The following GABRG3 variants were observed in gnomAD, a reference collection of about 807,000 sequenced individuals.
GABRG3 encodes gamma-aminobutyric acid type A receptor subunit gamma3.
GABRG3 carries 25 observed loss-of-function variants against 48.8 expected under a neutral mutation model. The observed-to-expected ratio is 0.51, with a 90% CI of 0.37 to 0.72. The LOEUF is 0.72. Ranked by LOEUF, GABRG3 falls within the 30% of genes least tolerant of loss-of-function variation. The probability of loss-of-function intolerance (pLI) is 0.00; values close to 1 mark genes in which losing one functional copy is unlikely to be tolerated. For missense variants in GABRG3, 394 were observed against 577.9 expected (o/e 0.68, Z 3.26); for synonymous variants, 227 against 217.6 (o/e 1.04, Z -0.38).
chr15:27,440,213 A>G (rs1208856330), intron 5 of GABRG3, among the ~76,000 whole-genome samples: 1 of 152,198 alleles, frequency 6.6e-6, no homozygotes, highest in African/African-American at 2.4e-5. Context: ...AACTCATAGA[A>G]TAACCATGAA....
intron 3 of GABRG3, among the ~76,000 whole-genome samples, chr15:27,096,863 A>C (rs1443641607): frequency 1.5e-5 from 2 of 137,460 alleles, no homozygotes; most frequent in African/African-American, 2.7e-5. Context: ...TTTTGGGAGA[A>C]TGTGTCTCAC....
intron 3 of GABRG3, among the ~76,000 whole-genome samples, chr15:27,160,451 T>A (rs1342472758): frequency 6.6e-6 from 1 of 152,240 alleles, no homozygotes; most frequent in Non-Finnish European, 1.5e-5. Context: ...CATTTGATTA[T>A]TGAGATTGTT....
In GABRG3 at chr15:27,042,322, G is replaced by A. The variant is rs145363954; in HGVS notation, c.270+15501G>A. Among the ~76,000 whole-genome samples the A allele has an allele frequency of 5.9e-5, 9 of 152,338 alleles. No homozygotes were observed. The South Asian group carries it at 1.2e-3, about 21-fold the overall frequency. ...TGGAGCTTCAGGGATGCGAGTGGGC[G>A]GAGGGAGCTGGGGCCTCCCCTGCCA... is the stretch of plus-strand genomic sequence containing the variant. On this transcript the variant is annotated intron_variant, in intron 3 of 9. Transcript: ENST00000615808.
intron 2 of GABRG3, among the ~76,000 whole-genome samples, chr15:26,996,984 C>G (rs1895354128): frequency 6.6e-6 from 1 of 152,140 alleles, no homozygotes; most frequent in Non-Finnish European, 1.5e-5. Context: ...CCACACATCT[C>G]TCTGAATCTC....
At chr15:27,189,231 G>C (rs1213966672) in intron 3 of GABRG3, among the ~76,000 whole-genome samples, 1 of 151,586 alleles carries the variant, frequency 6.6e-6, no homozygotes, top group African/African-American at 2.4e-5. Context: ...GGTTCCATAT[G>C]AACTTTAAAG....
chr15:27,144,713 A>C (rs1898166786), intron 3 of GABRG3, among the ~76,000 whole-genome samples: 1 of 152,188 alleles, frequency 6.6e-6, no homozygotes, highest in African/African-American at 2.4e-5. Context: ...ATACCCAGAA[A>C]ATACCTAAGA....
At chr15:27,530,707 G>A (rs112947792) in intron 9 of GABRG3, 65 of 470,818 alleles carry the variant, frequency 1.4e-4, no homozygotes, top group Middle Eastern at 3.2e-4. Context: ...CTGCCTCCCC[G>A]TCTAAGTCAG....
At chr15:27,400,379 T>C (rs1032795537) in intron 5 of GABRG3, among the ~76,000 whole-genome samples, 3 of 152,238 alleles carry the variant, frequency 2.0e-5, no homozygotes, top group Non-Finnish European at 4.4e-5. Flanking sequence ...TTTGCAGTCA[T>C]GTACGAAAGT....
chr15:27,403,903 T>A (rs1595732044), intron 5 of GABRG3, among the ~76,000 whole-genome samples: 3 of 65,662 alleles, frequency 4.6e-5, no homozygotes, highest in Admixed American at 2.4e-4. Context: ...AAAGCCAGAC[T>A]CAAAAAAAAA....
intron 3 of GABRG3, among the ~76,000 whole-genome samples, chr15:27,134,592 G>T (rs576890325): frequency 2.0e-5 from 3 of 152,170 alleles, no homozygotes; most frequent in African/African-American, 7.2e-5. Flanking sequence ...TCCCACCCAT[G>T]CCCGGCTTCT....
chr15:27,427,409 G>C (rs74596734), intron 5 of GABRG3, among the ~76,000 whole-genome samples: 8,318 of 152,248 alleles, frequency 0.055, 292 homozygotes, highest in Middle Eastern at 0.11. Flanking sequence ...GTTCCGCCTT[G>C]TGCATTTGGA....
intron 3 of GABRG3, among the ~76,000 whole-genome samples, chr15:27,038,797 T>C (rs1896223765): frequency 6.6e-6 from 1 of 151,742 alleles, no homozygotes; most frequent in African/African-American, 2.4e-5. Context: ...GATGTCAGAG[T>C]GACAGCAGAA....
At chr15:27,063,508 G>C (rs878973) in intron 3 of GABRG3, among the ~76,000 whole-genome samples, 21,503 of 152,102 alleles carry the variant, frequency 0.14, 2,197 homozygotes, top group East Asian at 0.28. Flanking sequence ...GATTGTGTGG[G>C]CCCCTGTTTC....
intron 3 of GABRG3, chr15:27,271,631 G>A (rs1891094161): frequency 2.2e-6 from 1 of 455,930 alleles, no homozygotes; most frequent in Non-Finnish European, 4.4e-6. Context: ...AGGAAAATAA[G>A]CTGTCTGTAA....
chr15:27,158,123 A>T (rs892918588), intron 3 of GABRG3: 1 of 152,202 alleles, frequency 6.6e-6, no homozygotes, highest in Non-Finnish European at 1.5e-5. Flanking sequence ...GGTGGGAGGA[A>T]CTTCAGGGAT....
intron 3 of GABRG3, among the ~76,000 whole-genome samples, chr15:27,217,958 A>G (rs1476048472): frequency 6.6e-6 from 1 of 152,096 alleles, no homozygotes. Flanking sequence ...GAGGCGGAGG[A>G]GAACCAGGGC....
intron 6 of GABRG3, among the ~76,000 whole-genome samples, chr15:27,484,014 G>A (rs1344778219): frequency 2.0e-5 from 3 of 151,834 alleles, no homozygotes; most frequent in South Asian, 2.1e-4. Flanking sequence ...GACTCACTGC[G>A]ACCTCCACTT....
chr15:27,170,060 C>T (rs1021168518), intron 3 of GABRG3, among the ~76,000 whole-genome samples: 1 of 152,170 alleles, frequency 6.6e-6, no homozygotes, highest in African/African-American at 2.4e-5. Context: ...AATTGCATTA[C>T]AAGAAACAGT....
chr15:26,988,236 T>A (rs1895185427), intron 2 of GABRG3, among the ~76,000 whole-genome samples: 1 of 152,210 alleles, frequency 6.6e-6, no homozygotes, highest in African/African-American at 2.4e-5. Context: ...AAGAGTGAAA[T>A]CTTGATATTT....
Sources: gnomAD v4.1 joint callset for allele counts (sites outside exome capture counted in the v4.1 genomes callset) on GRCh38, gnomAD v4.1.1 for gene constraint, MANE v1.5 for transcripts, NCBI Gene and HGNC (gene_info 2026-07-23, HGNC 2026-07-21) for gene names.